Variants in PDE7B observed in about 807,000 individuals in gnomAD.
PDE7B encodes the protein 3',5'-cyclic-AMP phosphodiesterase 7B.
PDE7B carries 29 observed loss-of-function variants against 56.2 expected under a neutral mutation model. That is an observed-to-expected ratio of 0.52 (90% CI 0.38 to 0.70). PDE7B has a LOEUF of 0.70. PDE7B is among the 30% of genes least tolerant of loss of function. The probability of loss-of-function intolerance (pLI) is 0.00; values close to 1 mark genes in which losing one functional copy is unlikely to be tolerated. For missense variants in PDE7B, 490 were observed against 565.0 expected, an observed-to-expected ratio of 0.87 and a Z score of 1.35; for synonymous variants, 197 against 196.9, an observed-to-expected ratio of 1.00 and a Z score of 0.00.
chr6:135,990,093 T>G (rs1193022160), intron 2 of PDE7B, among the ~76,000 whole-genome samples: 1 of 136,796 alleles, frequency 7.3e-6, no homozygotes, highest in Non-Finnish European at 1.7e-5. Flanking sequence ...TTTTGGGGTT[T>G]TTTTGTTTTT....
intron 2 of PDE7B, among the ~76,000 whole-genome samples, chr6:136,058,881 G>GA (rs540423580): frequency 1.7e-4 from 26 of 152,164 alleles, no homozygotes; most frequent in Admixed American, 1.0e-3. Flanking sequence ...GATTTGGGGG[G>GA]AAAAAAGTGA....
intron 8 of PDE7B, chr6:136,156,056 C>A (rs1468095995): frequency 2.3e-6 from 1 of 440,206 alleles, no homozygotes; most frequent in African/African-American, 2.0e-5. Context: ...TATCCAAAGA[C>A]CTTACTAGAA....
intron 2 of PDE7B, among the ~76,000 whole-genome samples, chr6:136,082,649 A>G (rs1777224663): frequency 6.6e-6 from 1 of 152,208 alleles, no homozygotes; most frequent in African/African-American, 2.4e-5. Flanking sequence ...TCTTCTAGGT[A>G]GAGCAAAGTC....
chr6:135,883,891 C>G (rs1294031204), intron 1 of PDE7B, among the ~76,000 whole-genome samples: 1 of 152,156 alleles, frequency 6.6e-6, no homozygotes, highest in Non-Finnish European at 1.5e-5. Context: ...CAGGTTCTGC[C>G]CAGCCTTGCT....
chr6:135,915,674 C>T (rs1231643814), intron 1 of PDE7B, among the ~76,000 whole-genome samples: 4 of 152,160 alleles, frequency 2.6e-5, no homozygotes, highest in Admixed American at 2.0e-4. Flanking sequence ...CCATGCCAGG[C>T]CCCCGGAAAT....
At chr6:136,167,455 G>C (rs1381355280) in intron 8 of PDE7B, among the ~76,000 whole-genome samples, 1 of 152,116 alleles carries the variant, frequency 6.6e-6, no homozygotes, top group Non-Finnish European at 1.5e-5. Flanking sequence ...TAAAGGGGAG[G>C]TTTCCTGCAC....
At chr6:136,086,424 T>C (rs1471720211) in intron 2 of PDE7B, among the ~76,000 whole-genome samples, 3 of 152,092 alleles carry the variant, frequency 2.0e-5, no homozygotes, top group African/African-American at 7.2e-5. Context: ...AGGCTCCCCC[T>C]GTACAGAGAC....
At chr6:136,157,092 T>TAA (rs1400950214) in intron 8 of PDE7B, among the ~76,000 whole-genome samples, 1 of 152,170 alleles carries the variant, frequency 6.6e-6, no homozygotes, top group Non-Finnish European at 1.5e-5. Flanking sequence ...TTGGGAAATT[T>TAA]AAGTGTTTTT....
rs1779277009 is a variant in PDE7B, at chr6:136,194,235, G to A, written c.*2395G>A. 1 of 151,894 alleles carries A rather than the reference G, an allele frequency of 6.6e-6. No individual in the cohort carries two copies. The highest frequency in any genetic ancestry group is 6.6e-5 in the Admixed American group (1 of 15,244). 9.4% of individuals were successfully genotyped at this position (151,894 alleles called of 1,614,324 possible). The stretch of plus-strand genomic sequence containing the variant: ...AAGAAGACACTATTTTAGCTAATGG[G>A]GTTTCTTGGGACTAAAAAATGGCTT... On this transcript the variant is annotated 3_prime_UTR_variant, in exon 13 of 13. Transcript: ENST00000308191.
chr6:136,083,841 CTTT>C (rs35444526), intron 2 of PDE7B, among the ~76,000 whole-genome samples: 3 of 151,902 alleles, frequency 2.0e-5, no homozygotes, highest in African/African-American at 7.2e-5. Context: ...TGATATTTTT[CTTT>C]TTTTTCAGAA....
At chr6:136,182,386 C>T (rs1372020431) in intron 11 of PDE7B, among the ~76,000 whole-genome samples, 1 of 152,086 alleles carries the variant, frequency 6.6e-6, no homozygotes, top group Admixed American at 6.5e-5. Context: ...GAAGGTAAGA[C>T]AAAAGGAAAC....
In PDE7B at chr6:136,038,055, C is replaced by T. The variant is rs749746771; in HGVS notation, c.83-70676C>T. 4 of 1,336,202 alleles carry T rather than the reference C, an allele frequency of 3.0e-6. No homozygotes were observed. In the African/African-American group the frequency reaches 4.4e-5, roughly 15 times the overall value. 82.8% of individuals were successfully genotyped at this position (1,336,202 alleles called of 1,614,324 possible). A position where few individuals can be genotyped will look rare whatever the true frequency, so the allele number is the denominator to read the frequency against. ...ACCTAGGGAAGTGAATCGCTCTCGT[C>T]GGCAGTGTTTGTGGAGGGCCTGAAG... On this transcript the variant is annotated intron_variant, in intron 2 of 12. Transcript: ENST00000308191.
chr6:136,015,029 G>A (rs1209450599), intron 2 of PDE7B, among the ~76,000 whole-genome samples: 2 of 152,224 alleles, frequency 1.3e-5, no homozygotes, highest in African/African-American at 4.8e-5. Flanking sequence ...GCGTGTGCGT[G>A]TACGTGTGCA....
At chr6:135,961,050 A>G (rs1227550052) in intron 2 of PDE7B, among the ~76,000 whole-genome samples, 1 of 152,208 alleles carries the variant, frequency 6.6e-6, no homozygotes, top group Non-Finnish European at 1.5e-5. Flanking sequence ...ATGCTACAAA[A>G]TGGTAGAGTT....
chr6:135,855,684 C>A (rs540178047), intron 1 of PDE7B, among the ~76,000 whole-genome samples: 1 of 152,270 alleles, frequency 6.6e-6, no homozygotes, highest in South Asian at 2.1e-4. Flanking sequence ...CGTACATTGG[C>A]GTCCTCTTCA....
chr6:136,106,267 G>A (rs1416381144), intron 2 of PDE7B, among the ~76,000 whole-genome samples: 1 of 152,154 alleles, frequency 6.6e-6, no homozygotes, highest in East Asian at 1.9e-4. Context: ...TAAAGTCAGT[G>A]AGTCTATCAT....
chr6:136,120,693 C>A (rs1391919410), intron 3 of PDE7B, among the ~76,000 whole-genome samples: 1 of 152,130 alleles, frequency 6.6e-6, no homozygotes, highest in Admixed American at 6.5e-5. Context: ...GCCCGAGGGG[C>A]CACCAGAGCT....
At chr6:136,058,392 T>C (rs1244167704) in intron 2 of PDE7B, among the ~76,000 whole-genome samples, 2 of 152,206 alleles carry the variant, frequency 1.3e-5, no homozygotes, top group Non-Finnish European at 2.9e-5. Flanking sequence ...GCTGAAAATA[T>C]TCAGAATTCC....
intron 3 of PDE7B, among the ~76,000 whole-genome samples, chr6:136,109,691 A>G (rs1777710868): frequency 6.6e-6 from 1 of 152,064 alleles, no homozygotes; most frequent in Non-Finnish European, 1.5e-5. Flanking sequence ...GTTTTGCTCA[A>G]CCTTTGGTCC....
Sources: gnomAD v4.1 joint callset for allele counts (sites outside exome capture counted in the v4.1 genomes callset) on GRCh38, gnomAD v4.1.1 for gene constraint, MANE v1.5 for transcripts, NCBI Gene and HGNC (gene_info 2026-07-23, HGNC 2026-07-21) for gene names.